The following DIPK2B variants were observed in gnomAD, a reference collection of about 807,000 sequenced individuals.
DIPK2B encodes the protein divergent protein kinase domain 2B.
In DIPK2B, 15 loss-of-function variants were observed where a neutral mutation model predicts 22.2. That is an observed-to-expected ratio of 0.68 (90% confidence interval 0.45 to 1.04). The LOEUF (loss-of-function observed/expected upper bound fraction) is 1.04. DIPK2B is among the 50% of genes least tolerant of loss of function. The probability of loss-of-function intolerance (pLI) is 0.00; values close to 1 mark genes in which losing one functional copy is unlikely to be tolerated. For missense variants in DIPK2B, 345 were observed against 348.3 expected (o/e 0.99, Z 0.08); for synonymous variants, 163 against 153.2 (o/e 1.06, Z -0.47).
At chrX:45,167,212 T>G (rs941438331) in intron 2 of DIPK2B, among the ~76,000 whole-genome samples, 5 of 111,873 alleles carry the variant, frequency 4.5e-5, no homozygotes, top group African/African-American at 1.6e-4. Context: ...ACATCTTGGC[T>G]GGGTGCAGTG....
intron 2 of DIPK2B, among the ~76,000 whole-genome samples, chrX:45,185,653 C>CTT (rs147218566): frequency 2.0e-4 from 17 of 86,459 alleles, no homozygotes; most frequent in South Asian, 5.4e-4. Context: ...CTTTTCTTTT[C>CTT]TTTTTTTTTT....
chrX:45,157,483 A>G (rs772910653), intron 3 of DIPK2B, among the ~76,000 whole-genome samples: 12 of 111,671 alleles, frequency 1.1e-4, no homozygotes, highest in Non-Finnish European at 1.9e-4. Context: ...GAAGGTGGCT[A>G]CTGTTCCCTC....
intron 2 of DIPK2B, chrX:45,183,462 G>A (rs1490716578): frequency 8.9e-6 from 1 of 112,146 alleles, no homozygotes; most frequent in Admixed American, 9.4e-5. Context: ...TTTAAAAAGA[G>A]CAAGAGGGTA....
At chrX:45,185,619 G>A (rs1160111099) in intron 2 of DIPK2B, among the ~76,000 whole-genome samples, 1 of 107,126 alleles carries the variant, frequency 9.3e-6, no homozygotes, top group Non-Finnish European at 1.9e-5. Flanking sequence ...GACTGGGGAA[G>A]CCTTTCACTG....
At chrX:45,166,199 G>A (rs2047047968) in intron 2 of DIPK2B, among the ~76,000 whole-genome samples, 1 of 111,708 alleles carries the variant, frequency 9.0e-6, no homozygotes, top group Non-Finnish European at 1.9e-5. Context: ...GGTGATTGGG[G>A]GCCCATGAAA....
At chrX:45,192,053 G>A in intron 1 of DIPK2B, 38 bp from the exon 2 acceptor site, 1 of 1,163,457 alleles carries the variant, frequency 8.6e-7, no homozygotes, top group African/African-American at 1.8e-5. Flanking sequence ...TGGCCTGTGA[G>A]CTGGAGGCTC....
chrX:45,197,155 T>C (rs1387544623), intron 1 of DIPK2B, among the ~76,000 whole-genome samples: 1 of 110,422 alleles, frequency 9.1e-6, no homozygotes, highest in Non-Finnish European at 1.9e-5. Context: ...CTGAGAGTTT[T>C]GGATGGGCTT....
chrX:45,181,105 A>G (rs746098527), intron 2 of DIPK2B, among the ~76,000 whole-genome samples: 49 of 111,895 alleles, frequency 4.4e-4, no homozygotes, highest in Non-Finnish European at 7.9e-4. Flanking sequence ...AATATCAAAT[A>G]TCCAGTGTAC....
At chrX:45,170,194 A>C (rs2047072258) in intron 2 of DIPK2B, among the ~76,000 whole-genome samples, 1 of 106,211 alleles carries the variant, frequency 9.4e-6, no homozygotes, top group Non-Finnish European at 1.9e-5. Context: ...CAGTGAGCCA[A>C]GATTGCACCA....
intron 2 of DIPK2B, among the ~76,000 whole-genome samples, chrX:45,159,778 C>T (rs1245398433): frequency 1.8e-5 from 2 of 111,925 alleles, no homozygotes; most frequent in Non-Finnish European, 3.8e-5. Context: ...TTCACAGGCC[C>T]CTTCCTCCAT....
intron 2 of DIPK2B, among the ~76,000 whole-genome samples, chrX:45,177,917 T>C (rs1469714111): frequency 1.8e-5 from 2 of 111,937 alleles, no homozygotes; most frequent in Non-Finnish European, 3.8e-5. Context: ...CATTTATTCT[T>C]TTCTTTATTT....
intron 2 of DIPK2B, among the ~76,000 whole-genome samples, chrX:45,162,015 C>G (rs935727850): frequency 1.8e-5 from 2 of 111,477 alleles, no homozygotes; most frequent in Non-Finnish European, 3.8e-5. Context: ...GGTGATACAG[C>G]TTCTACTTAA....
chrX:45,173,689 C>T (rs2047099651), intron 2 of DIPK2B, among the ~76,000 whole-genome samples: 1 of 107,423 alleles, frequency 9.3e-6, no homozygotes, highest in Non-Finnish European at 1.9e-5. Context: ...CTCCCTCAGC[C>T]TTCTCTAAGT....
chrX:45,173,529 C>CATTT (rs1253087454), intron 2 of DIPK2B, among the ~76,000 whole-genome samples: 11 of 73,901 alleles, frequency 1.5e-4, no homozygotes, highest in Non-Finnish European at 2.2e-4. Flanking sequence ...TTCTTTCTTT[C>CATTT]TTCCTTTCTT....
In DIPK2B at chrX:45,197,088, G is replaced by A. The variant is rs562837284; in HGVS notation, c.233+3506C>T. Among the ~76,000 whole-genome samples, 3 of 111,787 alleles carry A rather than the reference G, an allele frequency of 2.7e-5. No individual in the cohort carries two copies. The South Asian group carries it at 1.1e-3, about 42-fold the overall frequency. ...ACGATTTGTTGCTGAACAGATGCAA[G>A]CATTGTCCAGTCCTTAGTGAGGACT... On this transcript the variant is annotated intron_variant, in intron 1 of 4. Transcript: ENST00000398000.
At chrX:45,164,241 G>A (rs1203450186) in intron 2 of DIPK2B, 2 of 1,197,764 alleles carry the variant, frequency 1.7e-6, no homozygotes, top group African/African-American at 3.5e-5. Context: ...TCTGGCCCTG[G>A]TGACAGTCCT....
intron 2 of DIPK2B, among the ~76,000 whole-genome samples, chrX:45,160,217 T>G (rs1016023506): frequency 4.6e-5 from 5 of 108,876 alleles, no homozygotes; most frequent in Non-Finnish European, 9.5e-5. Flanking sequence ...TCTTTTTTTT[T>G]TTTTAATGAG....
rs1257044328 is a variant in DIPK2B, at chrX:45,149,715, C to T, written c.*1937G>A. ...AGGTCACCCTGACAGTCTTGCTGAA[C>T]CTTTCTTCGATTTTGAGCTTAGCAA... On this transcript the variant is annotated 3_prime_UTR_variant, in exon 5 of 5. Coordinates refer to ENST00000398000, the MANE Select transcript of DIPK2B (RefSeq NM_176819.4). 1 of 112,019 alleles carries T rather than the reference C, an allele frequency of 8.9e-6. No homozygotes were observed. The allele number at this position is 112,019 out of a possible 1,213,427, so 9.2% of individuals were successfully genotyped here.
intron 3 of DIPK2B, among the ~76,000 whole-genome samples, chrX:45,155,809 A>G (rs2046990249): frequency 2.7e-5 from 3 of 110,235 alleles, no homozygotes; most frequent in African/African-American, 9.9e-5. Flanking sequence ...TAGAATGGCT[A>G]TATCAGCACT....
Sources: gnomAD v4.1 joint callset for allele counts (sites outside exome capture counted in the v4.1 genomes callset) on GRCh38, gnomAD v4.1.1 for gene constraint, MANE v1.5 for transcripts, NCBI Gene and HGNC (gene_info 2026-07-23, HGNC 2026-07-21) for gene names.